The following LINGO2 variants were observed in gnomAD, a reference collection of about 807,000 sequenced individuals.
LINGO2 encodes leucine-rich repeat and immunoglobulin-like domain-containing nogo receptor-interacting protein 2.
In LINGO2, 14 loss-of-function variants were observed where a neutral mutation model predicts 30.6. The ratio of observed to expected loss-of-function variants is 0.46; its 90% CI spans 0.30 to 0.72. The LOEUF (loss-of-function observed/expected upper bound fraction) is 0.72, where lower values mean the gene tolerates loss of function less well. Ranked by LOEUF, LINGO2 falls within the 30% of genes least tolerant of loss-of-function variation. The pLI is 0.07. For missense variants in LINGO2, 729 were observed against 751.7 expected (o/e 0.97, Z 0.35); for synonymous variants, 317 against 288.5 (o/e 1.10, Z -1.00).
chr9:28,033,743 T>G (rs1019844656), intron 4 of LINGO2, among the ~76,000 whole-genome samples: 2 of 152,228 alleles, frequency 1.3e-5, no homozygotes, highest in African/African-American at 4.8e-5. Context: ...TGAAACTTAT[T>G]GAAAAGTATA....
the LINGO2 span, among the ~76,000 whole-genome samples, chr9:28,836,304 G>A: frequency 2.4e-3 from 365 of 151,958 alleles, 4 homozygotes; most frequent in Middle Eastern, 0.027. Flanking sequence ...CTTTGGCATC[G>A]CCCATTATCC....
the LINGO2 span, among the ~76,000 whole-genome samples, chr9:28,782,504 G>T: frequency 6.6e-6 from 1 of 152,236 alleles, no homozygotes; most frequent in South Asian, 2.1e-4. Context: ...GTATGAGAGA[G>T]GTTGTACGTC....
rs1827925010 is a variant in LINGO2 at position 28,149,505 on chromosome 9, C to A, written c.-86-137100G>T. Among the ~76,000 whole-genome samples the A allele has an allele frequency of 2.6e-5, 4 of 151,410 alleles. No homozygotes were observed. In the South Asian group the frequency reaches 8.4e-4, roughly 32 times the overall value. ...GGAAGTGACGAGCGCCTCTGCCCAGCCGCCTCACAGTCTGGGAAGTGAGGA... is the reference window on the plus strand; with the variant it reads ...GGAAGTGACGAGCGCCTCTGCCCAGACGCCTCACAGTCTGGGAAGTGAGGA... On this transcript the variant is annotated intron_variant, in intron 4 of 5. Coordinates refer to ENST00000379992, the Ensembl canonical transcript of LINGO2.
chr9:28,176,240 C>T (rs1040319745), intron 4 of LINGO2, among the ~76,000 whole-genome samples: 15 of 152,106 alleles, frequency 9.9e-5, no homozygotes, highest in South Asian at 2.1e-4. Flanking sequence ...CTTCCATGTA[C>T]GATGTTTCTT....
intron 4 of LINGO2, among the ~76,000 whole-genome samples, chr9:28,018,788 C>T (rs1822967791): frequency 6.6e-6 from 1 of 152,086 alleles, no homozygotes; most frequent in African/African-American, 2.4e-5. Flanking sequence ...GTGGTGATTT[C>T]TCAAGGAGCT....
intron 3 of LINGO2, among the ~76,000 whole-genome samples, chr9:28,313,048 A>G (rs1824694222): frequency 6.6e-6 from 1 of 152,232 alleles, no homozygotes; most frequent in African/African-American, 2.4e-5. Flanking sequence ...ATACCAACAG[A>G]GAATAATCCT....
At chr9:28,103,505 G>A (rs888074021) in intron 4 of LINGO2, among the ~76,000 whole-genome samples, 1 of 152,108 alleles carries the variant, frequency 6.6e-6, no homozygotes, top group Non-Finnish European at 1.5e-5. Context: ...TTAGCTTGCT[G>A]GAAGATGAAA....
At chr9:28,162,626 A>G (rs1828317877) in intron 4 of LINGO2, among the ~76,000 whole-genome samples, 2 of 152,184 alleles carry the variant, frequency 1.3e-5, no homozygotes, top group Admixed American at 1.3e-4. Context: ...TAATTTACTT[A>G]CTATGGATTC....
chr9:29,039,015 A>C, the LINGO2 span, among the ~76,000 whole-genome samples: 1 of 152,190 alleles, frequency 6.6e-6, no homozygotes, highest in Admixed American at 6.6e-5. Flanking sequence ...AATAATCATT[A>C]GTTACTGCTA....
chr9:29,149,899 T>C, the LINGO2 span, among the ~76,000 whole-genome samples: 2 of 152,186 alleles, frequency 1.3e-5, no homozygotes, highest in Admixed American at 1.3e-4. Context: ...GGAGCATGTG[T>C]GTTTTGCAGA....
At chr9:28,474,806 C>G (rs961464026) in intron 2 of LINGO2, among the ~76,000 whole-genome samples, 2 of 151,942 alleles carry the variant, frequency 1.3e-5, no homozygotes, top group African/African-American at 2.4e-5. Context: ...AGGCTGGTGT[C>G]AATTTGCAAA....
chr9:28,751,797 G>T, the LINGO2 span, among the ~76,000 whole-genome samples: 4 of 151,892 alleles, frequency 2.6e-5, no homozygotes, highest in African/African-American at 9.7e-5. Context: ...AGATTTTATC[G>T]TATGTATTGG....
At chr9:28,108,722 C>G (rs745695413) in intron 4 of LINGO2, among the ~76,000 whole-genome samples, 5 of 152,064 alleles carry the variant, frequency 3.3e-5, no homozygotes, top group Non-Finnish European at 5.9e-5. Flanking sequence ...AACCAACAGT[C>G]CTTGAATACT....
At chr9:28,544,196 C>A (rs1587831885) in intron 1 of LINGO2, among the ~76,000 whole-genome samples, 2 of 151,424 alleles carry the variant, frequency 1.3e-5, no homozygotes, top group Non-Finnish European at 2.9e-5. Flanking sequence ...GGAATAAAAA[C>A]CAATCTCAAA....
chr9:28,125,467 C>T (rs1451811186), intron 4 of LINGO2, among the ~76,000 whole-genome samples: 1 of 152,194 alleles, frequency 6.6e-6, no homozygotes, highest in East Asian at 1.9e-4. Context: ...TTTAGTGGCA[C>T]TCTGGACATA....
chr9:27,981,551 GAAAAAAAAGAAAAAAAAAGA>G (rs1302128718), intron 5 of LINGO2, among the ~76,000 whole-genome samples: 2 of 87,164 alleles, frequency 2.3e-5, no homozygotes, highest in African/African-American at 4.2e-5. Context: ...AAAAAAAAAA[GAAAAAAAAGAAAAAAAAAGA>G]AAAAAAAAAG....
chr9:28,834,541 T>C, the LINGO2 span, among the ~76,000 whole-genome samples: 1 of 152,190 alleles, frequency 6.6e-6, no homozygotes, highest in African/African-American at 2.4e-5. Context: ...TTTTGAAGAG[T>C]AAGGTATCCA....
the LINGO2 span, among the ~76,000 whole-genome samples, chr9:28,971,507 C>T: frequency 6.6e-6 from 1 of 152,212 alleles, no homozygotes; most frequent in African/African-American, 2.4e-5. Context: ...TTTGGCATTA[C>T]TCTCTGTGGG....
At chr9:28,387,557 T>C (rs778327741) in intron 2 of LINGO2, among the ~76,000 whole-genome samples, 3 of 152,228 alleles carry the variant, frequency 2.0e-5, no homozygotes, top group Non-Finnish European at 2.9e-5. Context: ...GCTCACTCTT[T>C]GGGTCCACAC....
Sources: allele counts gnomAD v4.1 joint callset (sites outside exome capture counted in the v4.1 genomes callset), GRCh38; gene constraint gnomAD v4.1.1; transcripts MANE v1.5; gene names NCBI Gene and HGNC (gene_info 2026-07-23, HGNC 2026-07-21).